Variants in PTPRD observed in about 807,000 individuals in gnomAD.
The protein encoded by PTPRD is protein tyrosine phosphatase receptor type D.
A neutral mutation model predicts 214.5 loss-of-function variants in PTPRD; 34 were observed. That is an observed-to-expected ratio of 0.16 (90% CI 0.12 to 0.21). The LOEUF is 0.21. Ranked by LOEUF, PTPRD falls within the 10% of genes least tolerant of loss-of-function variation. The pLI, the probability that PTPRD is intolerant of heterozygous loss-of-function variation, is 1.00. For missense variants in PTPRD, 2,545 were observed against 2,398.7 expected, an observed-to-expected ratio of 1.06 and a Z score of -1.27; for synonymous variants, 1,128 against 845.7, an observed-to-expected ratio of 1.33 and a Z score of -5.79.
intron 9 of PTPRD, among the ~76,000 whole-genome samples, chr9:9,186,187 G>A (rs1220601525): frequency 6.6e-6 from 1 of 152,062 alleles, no homozygotes; most frequent in East Asian, 1.9e-4. Flanking sequence ...CAAGAAGGCA[G>A]ACCCTAGTGC....
At chr9:8,961,101 A>G (rs548324566) in intron 11 of PTPRD, among the ~76,000 whole-genome samples, 1 of 152,114 alleles carries the variant, frequency 6.6e-6, no homozygotes, top group African/African-American at 2.4e-5. Flanking sequence ...AAAGACATGC[A>G]TAAGGTTCAG....
intron 3 of PTPRD, among the ~76,000 whole-genome samples, chr9:10,168,843 A>C (rs1405260284): frequency 6.6e-6 from 1 of 152,192 alleles, no homozygotes; most frequent in African/African-American, 2.4e-5. Context: ...ATATATACAC[A>C]CACACGGCGC....
intron 3 of PTPRD, among the ~76,000 whole-genome samples, chr9:10,174,877 T>C (rs138285567): frequency 2.4e-4 from 37 of 152,262 alleles, no homozygotes; most frequent in African/African-American, 8.4e-4. Flanking sequence ...GAATTGGACA[T>C]TGTTACAGCT....
At chr9:8,916,642 C>G (rs548711446) in intron 11 of PTPRD, among the ~76,000 whole-genome samples, 3 of 152,132 alleles carry the variant, frequency 2.0e-5, no homozygotes, top group Non-Finnish European at 4.4e-5. Flanking sequence ...CTTTACTAAA[C>G]CCAGTGAAAT....
At chr9:9,578,463 G>T (rs920801061) in intron 7 of PTPRD, among the ~76,000 whole-genome samples, 1 of 151,886 alleles carries the variant, frequency 6.6e-6, no homozygotes, top group African/African-American at 2.4e-5. Flanking sequence ...ACTTAATTTT[G>T]CAAGGAGTCC....
chr9:9,629,174 AAAAT>A (rs1211181322), intron 7 of PTPRD, among the ~76,000 whole-genome samples: 1 of 151,162 alleles, frequency 6.6e-6, no homozygotes, highest in Non-Finnish European at 1.5e-5. Context: ...ACTCTGTGAA[AAAAT>A]AAATAAATAA....
intron 2 of PTPRD, among the ~76,000 whole-genome samples, chr9:10,364,038 T>C (rs1317803549): frequency 2.1e-5 from 3 of 139,714 alleles, no homozygotes; most frequent in Non-Finnish European, 3.1e-5. Context: ...CTTGCTCTGT[T>C]GCCCAGGCTG....
chr9:10,235,877 T>A (rs1396858719), intron 3 of PTPRD, among the ~76,000 whole-genome samples: 1 of 152,004 alleles, frequency 6.6e-6, no homozygotes, highest in Non-Finnish European at 1.5e-5. Flanking sequence ...TCGCATGTCT[T>A]CTTTGTGTGA....
At chr9:8,530,262 C>G (rs1184853433) in intron 14 of PTPRD, among the ~76,000 whole-genome samples, 1 of 152,012 alleles carries the variant, frequency 6.6e-6, no homozygotes, top group Non-Finnish European at 1.5e-5. Context: ...ACCTCACTAG[C>G]AAAGTCCTTT....
chr9:8,589,267 C>T (rs2093915008), intron 14 of PTPRD, among the ~76,000 whole-genome samples: 1 of 152,192 alleles, frequency 6.6e-6, no homozygotes, highest in Non-Finnish European at 1.5e-5. Context: ...TACCCTTCTG[C>T]TTCTCAGATA....
intron 8 of PTPRD, among the ~76,000 whole-genome samples, chr9:9,410,399 C>T (rs781218398): frequency 4.6e-5 from 7 of 152,104 alleles, no homozygotes; most frequent in African/African-American, 1.7e-4. Context: ...TGTGTCATTG[C>T]CATTCATATT....
intron 8 of PTPRD, among the ~76,000 whole-genome samples, chr9:9,439,192 A>C (rs1356609066): frequency 2.1e-5 from 2 of 94,164 alleles, no homozygotes; most frequent in East Asian, 5.7e-4. Flanking sequence ...TTAATACATT[A>C]GATTTTTTTT....
intron 8 of PTPRD, among the ~76,000 whole-genome samples, chr9:9,518,919 T>C (rs2096899380): frequency 6.6e-6 from 1 of 152,020 alleles, no homozygotes; most frequent in Non-Finnish European, 1.5e-5. Context: ...TCTCCATACT[T>C]AATATGAATA....
At chr9:8,745,887 T>C in intron 11 of PTPRD, among the ~76,000 whole-genome samples, 1 of 151,912 alleles carries the variant, frequency 6.6e-6, no homozygotes, top group African/African-American at 2.4e-5. Flanking sequence ...AGCCTGGAAA[T>C]CCTGGGCTCA....
rs1279867926 is a variant in PTPRD at position 8,383,835 on chromosome 9, G to C, written c.4386+5397C>G. Among the ~76,000 whole-genome samples the C allele has an allele frequency of 2.0e-5, 3 of 152,146 alleles. No homozygotes were observed. In the East Asian group the frequency reaches 5.8e-4, roughly 29 times the overall value. On this transcript the variant is annotated intron_variant, in intron 37 of 45. Transcript: ENST00000381196. ...AAGATAAACATTGAGTCTCTACTAT[G>C]GGCAAGGAATGAAGGCAAGCTGGTG...
At chr9:9,948,799 T>G (rs1261728670) in intron 4 of PTPRD, among the ~76,000 whole-genome samples, 1 of 152,040 alleles carries the variant, frequency 6.6e-6, no homozygotes, top group Non-Finnish European at 1.5e-5. Context: ...AGATCTGATC[T>G]CAACAGTAGG....
At chr9:8,874,173 C>T (rs1263213391) in intron 11 of PTPRD, among the ~76,000 whole-genome samples, 1 of 152,176 alleles carries the variant, frequency 6.6e-6, no homozygotes, top group African/African-American at 2.4e-5. Context: ...TTACTACCCA[C>T]ATTTAACGGT....
intron 9 of PTPRD, among the ~76,000 whole-genome samples, chr9:9,228,140 G>C (rs191893074): frequency 9.2e-5 from 14 of 152,140 alleles, no homozygotes; most frequent in African/African-American, 3.1e-4. Context: ...ATATATGCCT[G>C]TATTTCTAAG....
intron 10 of PTPRD, among the ~76,000 whole-genome samples, chr9:9,026,275 A>T (rs2099586824): frequency 6.6e-6 from 1 of 151,888 alleles, no homozygotes; most frequent in Non-Finnish European, 1.5e-5. Context: ...GAAGAACACA[A>T]ATGTGTCCAG....
Sources: gnomAD v4.1 joint callset for allele counts (sites outside exome capture counted in the v4.1 genomes callset) on GRCh38, gnomAD v4.1.1 for gene constraint, MANE v1.5 for transcripts, NCBI Gene and HGNC (gene_info 2026-07-23, HGNC 2026-07-21) for gene names.